The following RTCA variants were observed in gnomAD, a reference collection of about 807,000 sequenced individuals.
The protein encoded by RTCA is RNA terminal phosphate cyclase domain 1.
A neutral mutation model predicts 46.1 loss-of-function variants in RTCA; 37 were observed. The ratio of observed to expected loss-of-function variants is 0.80; its 90% CI spans 0.62 to 1.06. The LOEUF (loss-of-function observed/expected upper bound fraction) is 1.06. RTCA is among the 50% of genes least tolerant of loss of function. RTCA has a pLI of 0.00. For synonymous variants in RTCA, 164 were observed against 158.3 expected (o/e 1.04, Z -0.27); for missense variants, 435 against 455.5 (o/e 0.95, Z 0.41).
rs143644518 is a variant in RTCA at position 100,274,951 on chromosome 1, G to A, written c.601G>A (p.Val201Ile). 8.4e-5 allele frequency: 135 copies of A among 1,605,952 alleles called. 1 individual carries two copies. Among genetic ancestry groups the A allele is most frequent in the Admixed American group, 1.7e-5 (1 of 59,716 alleles). ...KIYGRAFVAG[V>I]LPFKVAKDMA... is the part of the protein sequence containing the mutation. ...ATATGGAAGAGCTTTCGTTGCTGGT[G>A]TTTTGCCATTTAAAGTAAGTTGTTT... Residue 201 changes from valine to isoleucine, a missense_variant, in exon 6 of 11, where the codon GTT becomes ATT. Coordinates refer to ENST00000370128, the MANE Select transcript of RTCA (RefSeq NM_003729.4).
chr1:100,289,858 CAGACTTAAGCT>C (rs1667257370), intron 10 of RTCA, among the ~76,000 whole-genome samples: 1 of 152,184 alleles, frequency 6.6e-6, no homozygotes, highest in Non-Finnish European at 1.5e-5. Flanking sequence ...TCTGTAAAAT[CAGACTTAAGCT>C]AGATAGGCCT....
intron 2 of RTCA, chr1:100,266,878 C>T (rs576888154): frequency 3.9e-6 from 2 of 513,114 alleles, no homozygotes; most frequent in South Asian, 6.0e-5. Flanking sequence ...GAAGAGCTAG[C>T]TTTTAAAATG....
In RTCA at chr1:100,270,675, G is replaced by A. The variant is rs766197332; in HGVS notation, c.409G>A (p.Val137Met). ...AEMAPQIDYT[V>M]MVFKPIVEKF... ...AATGGCACCACAGATCGATTATACA[G>A]TGATGGTAAGGGCTTTTGTTGTTGA... Residue 137 changes from valine (V) to methionine (M), a missense_variant, in exon 4 of 11, where the codon GTG (valine) becomes ATG (methionine). Transcript: ENST00000370128. The A allele has an allele frequency of 6.2e-7, 1 of 1,613,860 alleles. No individual in the cohort carries two copies. Among genetic ancestry groups the A allele is most frequent in the Non-Finnish European group, 8.5e-7 (1 of 1,179,886 alleles).
At chr1:100,274,678 A>C in intron 5 of RTCA, 146 bp from the exon 6 acceptor site, 1 of 908,562 alleles carries the variant, frequency 1.1e-6, no homozygotes, top group Non-Finnish European at 1.5e-6. Flanking sequence ...TAATGTATAA[A>C]ATTTTACAAA....
At chr1:100,271,860 A>C (rs1353770249) in intron 4 of RTCA, among the ~76,000 whole-genome samples, 1 of 152,224 alleles carries the variant, frequency 6.6e-6, no homozygotes, top group East Asian at 1.9e-4. Flanking sequence ...CCTGAGCCTC[A>C]GCCCCTGGCA....
intron 9 of RTCA, 113 bp downstream of exon 9, chr1:100,285,435 C>T (rs1339428714): frequency 1.5e-6 from 1 of 671,658 alleles, no homozygotes; most frequent in East Asian, 2.9e-5. Flanking sequence ...AGTCCTACTT[C>T]AATAATTTAA....
Position 100,291,820 on chromosome 1 carries a change from G to T in RTCA, c.*316G>T. ...TGTAATTAATTAAATCAGGGATATA[G>T]ATTTGATCTGTAATTTGGGTATAAT... On this transcript the variant is annotated 3_prime_UTR_variant, in exon 11 of 11. Transcript: ENST00000370128. 6.0e-6 allele frequency: 1 copy of T among 165,790 alleles called. No individual in the cohort carries two copies. Among genetic ancestry groups the T allele is most frequent in the East Asian group, 1.7e-4 (1 of 5,998 alleles). The allele number at this position is 165,790 out of a possible 1,614,324, so 10.3% of individuals were successfully genotyped here.
intron 7 of RTCA, 83 bp from the exon 8 acceptor site, chr1:100,277,175 A>G: frequency 2.3e-6 from 3 of 1,280,074 alleles, no homozygotes; most frequent in Non-Finnish European, 2.3e-6. Context: ...TGCCTATTTA[A>G]TAGTCATTGT....
intron 3 of RTCA, among the ~76,000 whole-genome samples, chr1:100,269,838 C>A (rs1201438504): frequency 6.6e-6 from 1 of 152,026 alleles, no homozygotes; most frequent in East Asian, 1.9e-4. Context: ...CCTCCCCTTG[C>A]CACCTGCCCC....
At chr1:100,267,339 T>G (rs1665840259) in intron 2 of RTCA, 1 of 665,306 alleles carries the variant, frequency 1.5e-6, no homozygotes, top group African/African-American at 1.8e-5. Context: ...TACTGATATG[T>G]TAATGTTAAT....
intron 9 of RTCA, among the ~76,000 whole-genome samples, chr1:100,286,470 A>G (rs1241154848): frequency 6.6e-6 from 1 of 150,802 alleles, no homozygotes; most frequent in African/African-American, 2.5e-5. Flanking sequence ...AAAAAAAAAA[A>G]AAAAAACGAA....
chr1:100,271,487 G>A (rs927914675), intron 4 of RTCA, among the ~76,000 whole-genome samples: 1 of 151,910 alleles, frequency 6.6e-6, no homozygotes, highest in Non-Finnish European at 1.5e-5. Flanking sequence ...AAAACACCTC[G>A]AGTGTGATAT....
intron 2 of RTCA, chr1:100,267,280 C>T: frequency 2.3e-6 from 1 of 434,736 alleles, no homozygotes; most frequent in African/African-American, 2.0e-5. Flanking sequence ...TTTAATAAAT[C>T]AGCGGTCTCA....
chr1:100,290,405 G>A (rs1314706977), intron 10 of RTCA, among the ~76,000 whole-genome samples: 1 of 152,094 alleles, frequency 6.6e-6, no homozygotes, highest in East Asian at 1.9e-4. Context: ...CACCTGGCTA[G>A]TTGTTTTGAT....
At position 100,287,105 on chromosome 1, in the gene RTCA, G is replaced by T; in HGVS notation, c.901G>T (p.Val301Phe). The stretch of plus-strand genomic sequence containing the variant: ...TTTGTTCTTTTTTAAATAGCTGATT[G>T]TTTTCATGGCATTAGCCAATGGAGT... ...VDEYLQDQLIVFMALANGVSR... is the reference protein window; with the variant it reads ...VDEYLQDQLIFFMALANGVSR... Residue 301 changes from valine to phenylalanine, a missense_variant, in exon 10 of 11, where the codon GTT becomes TTT. By Grantham distance (50) the Val-to-Phe change is conservative (BLOSUM62 -1). Coordinates refer to ENST00000370128, the MANE Select transcript of RTCA (RefSeq NM_003729.4). The T allele has an allele frequency of 6.5e-6, 10 of 1,547,886 alleles. No homozygotes were observed. Among genetic ancestry groups the T allele is most frequent in the Non-Finnish European group, 8.7e-6 (10 of 1,153,298 alleles).
intron 2 of RTCA, chr1:100,266,957 G>T: frequency 2.8e-6 from 1 of 350,924 alleles, no homozygotes. Context: ...AGATAGGGCA[G>T]AAATGCTTGT....
chr1:100,281,279 C>T (rs539064757), intron 8 of RTCA: 21 of 534,112 alleles, frequency 3.9e-5, no homozygotes, highest in Non-Finnish European at 7.7e-5. Flanking sequence ...TTTGTTTTGT[C>T]TGAGAAAATC....
chr1:100,267,587 C>G (rs1437546336), intron 2 of RTCA: 9 of 1,507,084 alleles, frequency 6.0e-6, no homozygotes, highest in Non-Finnish European at 8.0e-6. Context: ...CCAGGCCTGT[C>G]TTTTTGCCTC....
intron 8 of RTCA, among the ~76,000 whole-genome samples, chr1:100,281,038 G>T (rs917403668): frequency 6.6e-6 from 1 of 152,040 alleles, no homozygotes; most frequent in Non-Finnish European, 1.5e-5. Context: ...ACCAGACCTT[G>T]AATCCTAATT....
Sources: gnomAD v4.1 joint callset for allele counts (sites outside exome capture counted in the v4.1 genomes callset) on GRCh38, gnomAD v4.1.1 for gene constraint, MANE v1.5 for transcripts, NCBI Gene and HGNC (gene_info 2026-07-23, HGNC 2026-07-21) for gene names.